The following PIGS variants were observed in gnomAD, a reference collection of about 807,000 sequenced individuals.
The protein encoded by PIGS is phosphatidylinositol glycan anchor biosynthesis class S, also known as GPI-anchor transamidase component PIGS.
In PIGS, 37 loss-of-function variants were observed where a neutral mutation model predicts 58.2. The observed-to-expected ratio is 0.64, with a 90% confidence interval of 0.49 to 0.84. The LOEUF (loss-of-function observed/expected upper bound fraction) is 0.84, where lower values mean the gene tolerates loss of function less well. Among genes scored for constraint, PIGS ranks in the 40% least tolerant of loss-of-function variants. The pLI, the probability that PIGS is intolerant of heterozygous loss-of-function variation, is 0.00. For missense variants in PIGS, 629 were observed against 710.8 expected, an observed-to-expected ratio of 0.88 and a Z score of 1.31; for synonymous variants, 269 against 289.2, an observed-to-expected ratio of 0.93 and a Z score of 0.71.
At position 28,554,896 on chromosome 17, in the gene PIGS, C is replaced by T; in HGVS notation, c.1347G>A (p.Leu449=). The change falls in exon 11 of 12, where the codon CTG becomes CTA. Residue 449 remains leucine (L), a synonymous_variant. Transcript: ENST00000308360. ...TAATGACAATGTTGCTGATCTTGCC[C>T]AGAAGCTGCGCCAGGGAGGTAAGGG... ...TTTLTSLAQL[L]GKISNIVIKD... 1 of 1,614,150 alleles carries T rather than the reference C, an allele frequency of 6.2e-7. No homozygotes were observed. Among genetic ancestry groups the T allele is most frequent in the African/African-American group, 1.3e-5 (1 of 75,034 alleles).
In PIGS at chr17:28,561,648, G is replaced by A; in HGVS notation, c.469-19C>T. The A allele has an allele frequency of 6.2e-7, 1 of 1,600,318 alleles. No homozygotes were observed. ...TCATGTCCTGTGGGGGTGAGCAAGA[G>A]ACAGAATGCCCATGGCTCAGAAAAG... On this transcript the variant is annotated intron_variant, in intron 5 of 11. Transcript: ENST00000308360.
intron 3 of PIGS, among the ~76,000 whole-genome samples, chr17:28,565,725 C>T (rs948727967): frequency 1.3e-5 from 2 of 152,042 alleles, no homozygotes; most frequent in South Asian, 2.1e-4. Flanking sequence ...CCCGTCTCTA[C>T]AAAAAATTTA....
intron 8 of PIGS, among the ~76,000 whole-genome samples, chr17:28,557,702 A>G (rs1035704751): frequency 3.9e-5 from 6 of 152,166 alleles, no homozygotes; most frequent in African/African-American, 1.4e-4. Flanking sequence ...AGATATACTC[A>G]CTTTGGTTTG....
Position 28,556,253 on chromosome 17 carries a change from T to G in PIGS, c.1094A>C (p.Asp365Ala). 6.2e-7 allele frequency: 1 copy of G among 1,610,142 alleles called. No homozygotes were observed. ...CACTGAGGCATTATAGGTTTTGGAG[T>G]CAACATTATATACCTGAAAGGGGGA... is the stretch of plus-strand genomic sequence containing the variant. ...RWGGIMVYNV[D>A]SKTYNASVLP... is the part of the protein sequence containing the mutation. The change falls in exon 10 of 12, where the codon GAC (aspartate) becomes GCC (alanine). Residue 365 changes from aspartate (D) to alanine (A), a missense_variant. Transcript: ENST00000308360.
intron 3 of PIGS, among the ~76,000 whole-genome samples, chr17:28,567,637 A>G (rs1431167156): frequency 6.6e-6 from 1 of 152,212 alleles, no homozygotes; most frequent in African/African-American, 2.4e-5. Flanking sequence ...TAGGTGTGAC[A>G]ATGGTAGTCA....
chr17:28,564,063 G>GA (rs1475875691), intron 3 of PIGS, among the ~76,000 whole-genome samples, 156 bp from the exon 4 acceptor site: 1 of 152,178 alleles, frequency 6.6e-6, no homozygotes, highest in Non-Finnish European at 1.5e-5. Context: ...TTTCTGCATA[G>GA]ATGATATCAA....
chr17:28,564,840 C>T (rs1320943893), intron 3 of PIGS, among the ~76,000 whole-genome samples: 1 of 151,948 alleles, frequency 6.6e-6, no homozygotes, highest in Non-Finnish European at 1.5e-5. Flanking sequence ...GATGGCACCA[C>T]TGCACTCCAG....
intron 10 of PIGS, chr17:28,555,888 G>C (rs1049739959): frequency 3.0e-5 from 9 of 300,276 alleles, no homozygotes; most frequent in African/African-American, 2.0e-4. Flanking sequence ...AGAATTGCTT[G>C]AACCCGGGAG....
chr17:28,555,899 G>A, intron 10 of PIGS: 1 of 325,674 alleles, frequency 3.1e-6, no homozygotes, highest in Non-Finnish European at 5.7e-6. Flanking sequence ...AACCCGGGAG[G>A]TGGAGGTTGC....
At position 28,553,410 on chromosome 17, in the gene PIGS, C is replaced by G. The variant is rs917184936; in HGVS notation, c.*810G>C. On this transcript the variant is annotated 3_prime_UTR_variant, in exon 12 of 12. Coordinates refer to ENST00000308360, the MANE Select transcript of PIGS (RefSeq NM_033198.4). The stretch of plus-strand genomic sequence containing the variant: ...TGTATCATTCCAATTCATATTCAGC[C>G]AGTGTTTATTAAGAGCCTACTACAC... 1 of 152,298 alleles carries G rather than the reference C, an allele frequency of 6.6e-6. No homozygotes were observed. Among genetic ancestry groups the G allele is most frequent in the Non-Finnish European group, 1.5e-5 (1 of 67,992 alleles). 9.4% of individuals were successfully genotyped at this position (152,298 alleles called of 1,614,324 possible). A position where few individuals can be genotyped will look rare whatever the true frequency, so the allele number is the denominator to read the frequency against.
At chr17:28,562,818 C>A (rs1348031666) in intron 5 of PIGS, among the ~76,000 whole-genome samples, 2 of 151,986 alleles carry the variant, frequency 1.3e-5, no homozygotes, top group African/African-American at 4.8e-5. Flanking sequence ...CTCAAGCGCT[C>A]CCCCTGCCTC....
Position 28,568,549 on chromosome 17 carries a change from C to T in PIGS, c.286+2303G>A, listed in dbSNP as rs1306480971. Among the ~76,000 whole-genome samples the T allele has an allele frequency of 3.9e-5, 6 of 152,168 alleles. No homozygotes were observed. In the East Asian group the frequency reaches 1.2e-3, roughly 29 times the overall value. ...TATTTCCGTCTAACAGATGAGGAAA[C>T]CAAGGTTTAGAGAAGTTAACAACCT... On this transcript the variant is annotated intron_variant, in intron 3 of 11. Transcript: ENST00000308360.
Position 28,554,496 on chromosome 17 carries a change from C to T in PIGS, c.1393-1G>A, listed in dbSNP as rs1328277606. The T allele has an allele frequency of 6.8e-6, 11 of 1,613,490 alleles. No individual in the cohort carries two copies. The highest frequency in any genetic ancestry group is 1.3e-5 in the African/African-American group (1 of 74,874). On this transcript the variant is annotated splice_acceptor_variant, in intron 11 of 11. Transcript: ENST00000308360. LOFTEE classifies it high-confidence loss of function. Reference sequence around the variant, plus strand: ...GGACGGCAGCTACAGCCTTGTACACCTAGGAAGGAGAAGGGACAAGAGGGT... The same window carrying T: ...GGACGGCAGCTACAGCCTTGTACACTTAGGAAGGAGAAGGGACAAGAGGGT...
chr17:28,562,947 C>T lies in PIGS; in HGVS notation c.468+484G>A, dbSNP rs545710462. ...AACCCCTGAGTTCAAGCAAACTGCC[C>T]GCCTCGGCCTCCCAAAGTGCTGGGA... On this transcript the variant is annotated intron_variant, in intron 5 of 11. Transcript: ENST00000308360. Among the ~76,000 whole-genome samples the T allele has an allele frequency of 1.8e-3, 265 of 149,448 alleles. 1 individual carries two copies. The highest frequency in any genetic ancestry group is 3.2e-3 in the Non-Finnish European group (218 of 67,304).
chr17:28,560,168 G>A lies in PIGS; in HGVS notation c.700C>T (p.Leu234Phe), dbSNP rs1597584577. Residue 234 changes from leucine to phenylalanine, a missense_variant, in exon 7 of 12, where the codon CTC (leucine) becomes TTC (phenylalanine). By Grantham distance (22) the Leu-to-Phe change is conservative. Transcript: ENST00000308360. ...TCATGGGACTTGGGGTCTGGGTTGA[G>A]TAAACTGAAGGTGATCTCATAGCCT... ...SLGYEITFSL[L>F]NPDPKSHDVY... is the part of the protein sequence containing the mutation. 6.2e-7 allele frequency: 1 copy of A among 1,612,248 alleles called. No homozygotes were observed. The highest frequency in any genetic ancestry group is 8.5e-7 in the Non-Finnish European group (1 of 1,179,338).
intron 5 of PIGS, among the ~76,000 whole-genome samples, chr17:28,563,045 C>T (rs994280871): frequency 6.6e-6 from 1 of 152,076 alleles, no homozygotes; most frequent in African/African-American, 2.4e-5. Flanking sequence ...CGGTGGCTCA[C>T]GCCTGTAATC....
chr17:28,567,914 C>T (rs895609061), intron 3 of PIGS, among the ~76,000 whole-genome samples: 1 of 152,146 alleles, frequency 6.6e-6, no homozygotes, highest in South Asian at 2.1e-4. Context: ...GATGCTCTTC[C>T]CCCAGATATC....
intron 5 of PIGS, 187 bp from the exon 6 acceptor site, chr17:28,561,816 C>A: frequency 1.7e-6 from 1 of 588,154 alleles, no homozygotes; most frequent in South Asian, 2.2e-5. Flanking sequence ...TTTCATTTGT[C>A]TCCGTTCTCT....
Position 28,558,669 on chromosome 17 carries a change from A to G in PIGS, c.820-79T>C, listed in dbSNP as rs2070345254. ...CCCAAAAAAGATTTGAGGTGCCTTA[A>G]AAAAGACACAATCAGGACAAGGCAA... On this transcript the variant is annotated intron_variant, in intron 7 of 11. Coordinates refer to ENST00000308360, the MANE Select transcript of PIGS (RefSeq NM_033198.4). 2.7e-6 allele frequency: 3 copies of G among 1,125,976 alleles called. No homozygotes were observed. In the Admixed American group the frequency reaches 6.4e-5, roughly 24 times the overall value. 69.7% of individuals were successfully genotyped at this position (1,125,976 alleles called of 1,614,324 possible).
Sources: allele counts gnomAD v4.1 joint callset (sites outside exome capture counted in the v4.1 genomes callset), GRCh38; gene constraint gnomAD v4.1.1; transcripts MANE v1.5; gene names NCBI Gene and HGNC (gene_info 2026-07-23, HGNC 2026-07-21).